Variants in FAXC observed in about 807,000 individuals in gnomAD.
FAXC encodes failed axon connections homolog.
In FAXC, 10 loss-of-function variants were observed where a neutral mutation model predicts 41.9. The ratio of observed to expected loss-of-function variants is 0.24; its 90% confidence interval spans 0.15 to 0.41. FAXC has a LOEUF of 0.41. Ranked by LOEUF, FAXC falls within the 10% of genes least tolerant of loss-of-function variation. The pLI is 1.00. For missense variants in FAXC, 399 were observed against 510.9 expected, an observed-to-expected ratio of 0.78 and a Z score of 2.11; for synonymous variants, 183 against 183.8, an observed-to-expected ratio of 1.00 and a Z score of 0.03.
intron 5 of FAXC, among the ~76,000 whole-genome samples, chr6:99,283,428 C>A (rs957774957): frequency 2.0e-5 from 3 of 152,184 alleles, no homozygotes; most frequent in Non-Finnish European, 4.4e-5. Flanking sequence ...ACATCCCCTG[C>A]AAAACATAAC....
intron 4 of FAXC, 125 bp downstream of exon 4, chr6:99,323,319 A>G: frequency 1.3e-6 from 1 of 767,372 alleles, no homozygotes; most frequent in East Asian, 2.7e-5. Context: ...TGGGGACTGC[A>G]ATCTACACAT....
At chr6:99,342,052 C>T (rs768047299) in intron 2 of FAXC, among the ~76,000 whole-genome samples, 1 of 152,180 alleles carries the variant, frequency 6.6e-6, no homozygotes, top group Non-Finnish European at 1.5e-5. Context: ...AAGCATTACT[C>T]AGAGAGAAAT....
chr6:99,325,733 A>G (rs1356776734), intron 3 of FAXC, among the ~76,000 whole-genome samples: 1 of 152,222 alleles, frequency 6.6e-6, no homozygotes, highest in Non-Finnish European at 1.5e-5. Flanking sequence ...AAATTCACAA[A>G]AAAAAGTTAC....
chr6:99,343,188 G>C (rs750809047), intron 1 of FAXC, among the ~76,000 whole-genome samples, 155 bp from the exon 2 acceptor site: 2 of 152,098 alleles, frequency 1.3e-5, no homozygotes, highest in Non-Finnish European at 2.9e-5. Flanking sequence ...CCAGTTTGTC[G>C]AAGGGGCTTA....
chr6:99,328,055 A>G (rs1429463434), intron 3 of FAXC, among the ~76,000 whole-genome samples: 1 of 152,016 alleles, frequency 6.6e-6, no homozygotes, highest in African/African-American at 2.4e-5. Flanking sequence ...TTAATACCCC[A>G]CAGCTCCTTT....
At chr6:99,294,878 A>G (rs905209122) in intron 4 of FAXC, among the ~76,000 whole-genome samples, 1 of 152,212 alleles carries the variant, frequency 6.6e-6, no homozygotes, top group African/African-American at 2.4e-5. Flanking sequence ...ATGTCTGGCC[A>G]AAATTCGCCA....
Position 99,333,445 on chromosome 6 carries a change from C to G in FAXC, c.505G>C (p.Glu169Gln). 1.2e-6 allele frequency: 2 copies of G among 1,614,178 alleles called. No individual in the cohort carries two copies. The highest frequency in any genetic ancestry group is 1.7e-6 in the Non-Finnish European group (2 of 1,180,018). ...TTGTTTAAATTCACTCCAAGCTTCT[C>G]TTCCAGAAAGTCAATTATGAATTCT... ...GTEFIIDFLEEKLGVNLNKNL... is the reference protein window; with the variant it reads ...GTEFIIDFLEQKLGVNLNKNL... Residue 169 changes from glutamate (E) to glutamine (Q), a missense_variant, in exon 3 of 6, where the codon GAG (glutamate) becomes CAG (glutamine). By Grantham distance (29) the Glu-to-Gln change is conservative. Coordinates refer to ENST00000389677, the MANE Select transcript of FAXC (RefSeq NM_032511.4).
intron 5 of FAXC, among the ~76,000 whole-genome samples, chr6:99,289,553 G>A (rs945583555): frequency 1.3e-5 from 2 of 152,050 alleles, no homozygotes; most frequent in African/African-American, 4.8e-5. Context: ...CTACTCAGTA[G>A]GTTGAGACAG....
chr6:99,330,189 A>G lies in FAXC; in HGVS notation c.599+3162T>C, dbSNP rs540397971. On this transcript the variant is annotated intron_variant, in intron 3 of 5. Transcript: ENST00000389677. The stretch of plus-strand genomic sequence containing the variant: ...TGCCTATATTTTTATGGGTGAAAAT[A>G]TTATAATAACTAGATAGTCTGAAAA... 7.9e-5 allele frequency among the ~76,000 whole-genome samples: 12 copies of G among 152,194 alleles called. No homozygotes were observed. The East Asian group carries it at 1.9e-3, about 25-fold the overall frequency.
chr6:99,304,235 G>A (rs753638768), intron 4 of FAXC, among the ~76,000 whole-genome samples: 8 of 151,962 alleles, frequency 5.3e-5, no homozygotes, highest in Admixed American at 2.0e-4. Flanking sequence ...GCAGTGAGAC[G>A]AGATTGCACC....
Position 99,345,605 on chromosome 6 carries a change from T to C in FAXC, c.267-2572A>G, listed in dbSNP as rs536413773. On this transcript the variant is annotated intron_variant, in intron 1 of 5. Transcript: ENST00000389677. The stretch of plus-strand genomic sequence containing the variant: ...AAGAGGACAGCCATAGAGCATTAAC[T>C]AGCTAGTTTACTACTATTCCCGGGG... Among the ~76,000 whole-genome samples, 3 of 152,364 alleles carry C rather than the reference T, an allele frequency of 2.0e-5. No individual in the cohort carries two copies. The East Asian group carries it at 5.8e-4, about 29-fold the overall frequency.
chr6:99,349,433 C>G lies in FAXC; in HGVS notation c.-61G>C, dbSNP rs1395897476. 4.1e-5 allele frequency: 49 copies of G among 1,185,760 alleles called. 1 individual carries two copies. The East Asian group carries it at 1.4e-3, about 33-fold the overall frequency. 73.5% of individuals were successfully genotyped at this position (1,185,760 alleles called of 1,614,324 possible). On this transcript the variant is annotated 5_prime_UTR_variant, in exon 1 of 6. Transcript: ENST00000389677. ...CCGCGCCGCCCGCATGGGAAGGGGCCGGCGCGGCCCGGCGCGGGCTCAGAG... is the reference window on the plus strand; with the variant it reads ...CCGCGCCGCCCGCATGGGAAGGGGCGGGCGCGGCCCGGCGCGGGCTCAGAG...
chr6:99,321,726 T>C (rs965426881), intron 4 of FAXC, among the ~76,000 whole-genome samples: 3 of 152,254 alleles, frequency 2.0e-5, no homozygotes, highest in Non-Finnish European at 4.4e-5. Context: ...AAGCATTGTC[T>C]AAATCGCTAA....
intron 4 of FAXC, among the ~76,000 whole-genome samples, chr6:99,294,846 C>T (rs1562156030): frequency 6.6e-6 from 1 of 152,060 alleles, no homozygotes; most frequent in Non-Finnish European, 1.5e-5. Flanking sequence ...CATTTGAACC[C>T]ACACATCAAA....
Position 99,271,271 on chromosome 6 carries a change from T to C in FAXC, c.*9893A>G, listed in dbSNP as rs1283025398. 2.0e-5 allele frequency: 3 copies of C among 152,234 alleles called. No homozygotes were observed. Among genetic ancestry groups the C allele is most frequent in the Non-Finnish European group, 4.4e-5 (3 of 68,050 alleles). The allele number at this position is 152,234 out of a possible 1,614,324, so 9.4% of individuals were successfully genotyped here. On this transcript the variant is annotated 3_prime_UTR_variant, in exon 6 of 6. Transcript: ENST00000389677. ...GTCCTGAAAGCTAGGACAGCAAAGC[T>C]TCCCTAACAGGACAGACGGGAAGTC...
At chr6:99,287,613 T>C (rs979959283) in intron 5 of FAXC, among the ~76,000 whole-genome samples, 2 of 152,204 alleles carry the variant, frequency 1.3e-5, no homozygotes, top group Non-Finnish European at 2.9e-5. Flanking sequence ...ACACTCACAA[T>C]GAGGCAAGGC....
chr6:99,280,890 A>C lies in FAXC; in HGVS notation c.*274T>G. The C allele has an allele frequency of 3.0e-6, 1 of 334,380 alleles. No homozygotes were observed. The highest frequency in any genetic ancestry group is 3.9e-5 in the South Asian group (1 of 25,548). The allele number at this position is 334,380 out of a possible 1,614,324, so 20.7% of individuals were successfully genotyped here. On this transcript the variant is annotated 3_prime_UTR_variant, in exon 6 of 6. Coordinates refer to ENST00000389677, the MANE Select transcript of FAXC (RefSeq NM_032511.4). ...CCAGCTCTTACACCTGCTCTACCAC[A>C]CAATATTATTAATAGTTTTCTAATG...
At chr6:99,283,723 G>C (rs1770915302) in intron 5 of FAXC, among the ~76,000 whole-genome samples, 1 of 151,942 alleles carries the variant, frequency 6.6e-6, no homozygotes, top group Admixed American at 6.6e-5. Flanking sequence ...ACCAAGAATT[G>C]AATAAAGATG....
Position 99,332,568 on chromosome 6 carries a change from C to T in FAXC, c.599+783G>A, listed in dbSNP as rs938138683. ...ATCTTCTTAACTCACATGGTACCAC[C>T]GCCAGCTCAAGGCTACAAAAAACAG... On this transcript the variant is annotated intron_variant, in intron 3 of 5. Coordinates refer to ENST00000389677, the MANE Select transcript of FAXC (RefSeq NM_032511.4). 4.6e-5 allele frequency among the ~76,000 whole-genome samples: 7 copies of T among 152,202 alleles called. No individual in the cohort carries two copies. In the South Asian group the frequency reaches 6.2e-4, roughly 14 times the overall value.
Sources: gnomAD v4.1 joint callset for allele counts (sites outside exome capture counted in the v4.1 genomes callset) on GRCh38, gnomAD v4.1.1 for gene constraint, MANE v1.5 for transcripts, NCBI Gene and HGNC (gene_info 2026-07-23, HGNC 2026-07-21) for gene names.